The following ART3 variants were observed in gnomAD, a reference collection of about 807,000 sequenced individuals.
The protein encoded by ART3 is ecto-ADP-ribosyltransferase 3.
Under a neutral mutation model 48.5 loss-of-function variants are expected in ART3, and 49 were observed. The observed-to-expected ratio is 1.01, with a 90% CI of 0.80 to 1.28. ART3 has a LOEUF of 1.28. Ranked by LOEUF, ART3 falls within the 50% of genes most tolerant of loss-of-function variation. ART3 has a pLI of 0.00. For synonymous variants in ART3, 145 were observed against 157.2 expected (o/e 0.92, Z 0.58); for missense variants, 438 against 454.3 (o/e 0.96, Z 0.33).
rs546107721 is a variant in ART3 at position 76,040,001 on chromosome 4, C to T, written c.-10+28681C>T. ...TATTTTCTATTGTTTTATTTTCTTCCTTACTGCAAAGGTAATATCTGATAT... is the reference window on the plus strand; with the variant it reads ...TATTTTCTATTGTTTTATTTTCTTCTTTACTGCAAAGGTAATATCTGATAT... On this transcript the variant is annotated intron_variant, in intron 1 of 9. Transcript: ENST00000341029. Among the ~76,000 whole-genome samples the T allele has an allele frequency of 2.6e-5, 4 of 152,174 alleles. No individual in the cohort carries two copies. In the East Asian group the frequency reaches 7.7e-4, roughly 29 times the overall value.
intron 1 of ART3, among the ~76,000 whole-genome samples, chr4:76,046,638 C>T (rs1400927269): frequency 1.3e-5 from 2 of 151,996 alleles, no homozygotes; most frequent in Non-Finnish European, 2.9e-5. Flanking sequence ...GCCCAGACTT[C>T]AGGGTTGATT....
In ART3 at chr4:76,075,910, A is replaced by G; in HGVS notation, c.21A>G (p.Glu7=). ...GAAAAATGAAGACGGGACATTTTGA[A>G]ATAGTCACCATGCTGCTGGCAACCA... MKTGHF[E]IVTMLLATMI... Residue 7 remains glutamate (E), a synonymous_variant, in exon 2 of 12, where the codon GAA becomes GAG. Transcript: ENST00000355810. The G allele has an allele frequency of 6.2e-7, 1 of 1,613,264 alleles. No individual in the cohort carries two copies. Among genetic ancestry groups the G allele is most frequent in the Non-Finnish European group, 8.5e-7 (1 of 1,179,606 alleles).
intron 1 of ART3, among the ~76,000 whole-genome samples, chr4:76,039,246 T>A (rs771223977): frequency 6.6e-6 from 1 of 152,108 alleles, no homozygotes; most frequent in Non-Finnish European, 1.5e-5. Context: ...ATTACAGGCA[T>A]GTGTTACCAC....
chr4:76,094,405 T>C (rs1310557968), intron 3 of ART3, among the ~76,000 whole-genome samples: 2 of 152,248 alleles, frequency 1.3e-5, no homozygotes, highest in African/African-American at 4.8e-5. Context: ...GCTTCTTTGC[T>C]GGTAGTTTTT....
intron 1 of ART3, among the ~76,000 whole-genome samples, chr4:76,026,276 A>G (rs1349846569): frequency 2.6e-5 from 4 of 152,028 alleles, no homozygotes; most frequent in African/African-American, 9.7e-5. Flanking sequence ...ATTTCATACT[A>G]TCTGATATTC....
chr4:76,104,717 C>A, intron 10 of ART3, 88 bp downstream of exon 10: 1 of 1,426,134 alleles, frequency 7.0e-7, no homozygotes, highest in South Asian at 1.3e-5. Context: ...TTCTATGCCT[C>A]ATAATTGTCA....
At chr4:76,093,587 A>G (rs1725389401) in intron 3 of ART3, among the ~76,000 whole-genome samples, 1 of 152,232 alleles carries the variant, frequency 6.6e-6, no homozygotes, top group Non-Finnish European at 1.5e-5. Flanking sequence ...CCTGAAGGCC[A>G]GCTAATTAAC....
intron 3 of ART3, among the ~76,000 whole-genome samples, chr4:76,091,146 TTGA>T (rs1017155351): frequency 3.5e-4 from 53 of 152,382 alleles, no homozygotes; most frequent in African/African-American, 1.2e-3. Flanking sequence ...TATTCACCTG[TTGA>T]TGAGTACGTG....
rs1405252915 is a variant in ART3 at position 76,100,020 on chromosome 4, C to CA, written c.848-268dup. Among the ~76,000 whole-genome samples the CA allele has an allele frequency of 3.9e-5, 6 of 152,176 alleles. No individual in the cohort carries two copies. The East Asian group carries it at 1.2e-3, about 29-fold the overall frequency. On this transcript the variant is annotated intron_variant, in intron 5 of 11. Transcript: ENST00000355810. ...CCAGGGACTTTAGCTGACTCTTCAA[C>CA]AAAGACATTTTCTCGGCTCCTTGAG... is the stretch of plus-strand genomic sequence containing the variant.
chr4:76,038,031 GT>G (rs1320201769), intron 1 of ART3, among the ~76,000 whole-genome samples: 1 of 151,770 alleles, frequency 6.6e-6, no homozygotes, highest in Non-Finnish European at 1.5e-5. Context: ...CTTTACAGTA[GT>G]CCCCCATTAA....
intron 11 of ART3, among the ~76,000 whole-genome samples, chr4:76,110,516 G>C (rs1578643199): frequency 6.6e-6 from 1 of 152,092 alleles, no homozygotes; most frequent in Non-Finnish European, 1.5e-5. Context: ...GTTTGAAATA[G>C]AAGACACACA....
At chr4:76,100,358 C>T (rs765732162) in intron 6 of ART3, 38 bp downstream of exon 6, 22 of 1,584,156 alleles carry the variant, frequency 1.4e-5, no homozygotes, top group South Asian at 1.1e-4. Context: ...CTTGGCCAGG[C>T]GTGGTGGCTT....
intron 1 of ART3, among the ~76,000 whole-genome samples, chr4:76,048,291 G>A (rs1227238888): frequency 6.6e-6 from 1 of 151,832 alleles, no homozygotes; most frequent in South Asian, 2.1e-4. Context: ...CAAGCTGCAG[G>A]ATAGTATTAT....
At chr4:76,086,610 A>G (rs550589903) in intron 3 of ART3, among the ~76,000 whole-genome samples, 11 of 152,374 alleles carry the variant, frequency 7.2e-5, no homozygotes, top group Middle Eastern at 3.4e-3. Context: ...CTCTTGCTAC[A>G]TATACAAAAA....
At chr4:76,039,565 TA>T (rs1734758040) in intron 1 of ART3, among the ~76,000 whole-genome samples, 1 of 152,162 alleles carries the variant, frequency 6.6e-6, no homozygotes. Flanking sequence ...TAAATTATAA[TA>T]ACCATGAATA....
At chr4:76,089,745 C>T (rs771717629) in intron 3 of ART3, among the ~76,000 whole-genome samples, 6 of 152,106 alleles carry the variant, frequency 3.9e-5, no homozygotes, top group Admixed American at 2.0e-4. Flanking sequence ...CACACGGTGT[C>T]TGACAGATAT....
chr4:76,023,191 A>G (rs986701127), intron 1 of ART3, among the ~76,000 whole-genome samples: 2 of 150,682 alleles, frequency 1.3e-5, no homozygotes, highest in Admixed American at 1.3e-4. Context: ...CTCTTATTCT[A>G]TTTGTTTCTC....
intron 1 of ART3, among the ~76,000 whole-genome samples, chr4:76,050,505 A>G (rs571688253): frequency 6.6e-6 from 1 of 152,310 alleles, no homozygotes; most frequent in East Asian, 1.9e-4. Context: ...AGCTAGATAC[A>G]GAGGGCCGAT....
At chr4:76,043,781 A>G (rs71629033) in intron 1 of ART3, among the ~76,000 whole-genome samples, 89,876 of 147,198 alleles carry the variant, frequency 0.61, 28,912 homozygotes, top group East Asian at 0.94. Context: ...GCCAAAGTGG[A>G]AGCCCAGGCA....
Sources: gnomAD v4.1 joint callset for allele counts (sites outside exome capture counted in the v4.1 genomes callset) on GRCh38, gnomAD v4.1.1 for gene constraint, MANE v1.5 for transcripts, NCBI Gene and HGNC (gene_info 2026-07-23, HGNC 2026-07-21) for gene names.